CACNA1C: variants seen among roughly 807,000 people sequenced by gnomAD.
CACNA1C encodes the protein voltage-dependent L-type calcium channel subunit alpha-1C.
In CACNA1C, 30 loss-of-function variants were observed where a neutral mutation model predicts 229.0. That is an observed-to-expected ratio of 0.13 (90% confidence interval 0.10 to 0.18). CACNA1C has a LOEUF of 0.18. Ranked by LOEUF, CACNA1C falls within the 10% of genes least tolerant of loss-of-function variation. The pLI is 1.00. For missense variants in CACNA1C, 1,658 were observed against 2,845.0 expected (o/e 0.58, Z 9.49); for synonymous variants, 1,114 against 1,132.5 (o/e 0.98, Z 0.33).
chr12:2,356,843 A>C (rs972987419), intron 3 of CACNA1C, among the ~76,000 whole-genome samples: 4 of 152,068 alleles, frequency 2.6e-5, no homozygotes, highest in Admixed American at 2.6e-4. Context: ...TTCCCATTCC[A>C]CAGATGAGGC....
At chr12:2,420,377 G>A (rs950793197) in intron 3 of CACNA1C, among the ~76,000 whole-genome samples, 1 of 152,160 alleles carries the variant, frequency 6.6e-6, no homozygotes, top group Non-Finnish European at 1.5e-5. Flanking sequence ...GAGGGATGGT[G>A]TGGTTGACTG....
At chr12:2,191,942 A>C (rs2097242786) in intron 3 of CACNA1C, among the ~76,000 whole-genome samples, 1 of 152,042 alleles carries the variant, frequency 6.6e-6, no homozygotes. Context: ...ACACATGGAC[A>C]CTCATACACG....
intron 20 of CACNA1C, 195 bp downstream of exon 20, chr12:2,596,198 G>A (rs1601544393): frequency 4.1e-6 from 2 of 490,842 alleles, no homozygotes; most frequent in South Asian, 8.8e-5. Context: ...AAAAGAGCAT[G>A]TACCCAAATG....
intron 3 of CACNA1C, among the ~76,000 whole-genome samples, chr12:2,418,156 C>G (rs1567568478): frequency 6.6e-6 from 1 of 152,256 alleles, no homozygotes; most frequent in East Asian, 1.9e-4. Flanking sequence ...AGGCAGAACC[C>G]TAGCATTACG....
chr12:2,232,249 TTTTG>T (rs1269136527), intron 3 of CACNA1C, among the ~76,000 whole-genome samples: 333 of 132,714 alleles, frequency 2.5e-3, no homozygotes, highest in Middle Eastern at 7.9e-3. Flanking sequence ...TTTTTTTTTT[TTTTG>T]TTTGTTTGTT....
At chr12:2,475,068 G>A (rs916061548) in intron 5 of CACNA1C, among the ~76,000 whole-genome samples, 3 of 152,122 alleles carry the variant, frequency 2.0e-5, no homozygotes, top group Non-Finnish European at 4.4e-5. Flanking sequence ...GGTGGGCCGA[G>A]GCAGGCGGAT....
chr12:2,540,013 G>T (rs1473316413), intron 9 of CACNA1C, among the ~76,000 whole-genome samples: 1 of 152,162 alleles, frequency 6.6e-6, no homozygotes, highest in Non-Finnish European at 1.5e-5. Flanking sequence ...TGTGGAGAGG[G>T]CCATGGGGCA....
In CACNA1C at chr12:2,689,907, G is replaced by A. The variant is rs1569294898; in HGVS notation, c.6118-993G>A. The A allele has an allele frequency of 6.6e-6, 1 of 152,294 alleles. No individual in the cohort carries two copies. Among genetic ancestry groups the A allele is most frequent in the Non-Finnish European group, 1.5e-5 (1 of 68,130 alleles). The allele number at this position is 152,294 out of a possible 1,614,324, so 9.4% of individuals were successfully genotyped here. ...AGGAGTGCCAAAGAAAAACTAAGCA[G>A]GGCAAGGAGAGAATGAGTGGCGTGG... is the stretch of plus-strand genomic sequence containing the variant. On this transcript the variant is annotated intron_variant, in intron 46 of 46. Transcript: ENST00000399655. The surrounding 1 kb of genome is among the most constrained non-coding windows in gnomAD (Gnocchi z 4.2).
At chr12:2,558,137 C>T (rs2045496018) in intron 11 of CACNA1C, among the ~76,000 whole-genome samples, 1 of 152,186 alleles carries the variant, frequency 6.6e-6, no homozygotes, top group African/African-American at 2.4e-5. Context: ...TCTCAGATTG[C>T]CTCTCTCCCA....
intron 3 of CACNA1C, among the ~76,000 whole-genome samples, chr12:2,234,658 C>G (rs551406245): frequency 4.0e-5 from 6 of 151,672 alleles, no homozygotes; most frequent in African/African-American, 7.3e-5. Context: ...CAAAAATTTT[C>G]TGTGTGTGTG....
At chr12:2,031,683 C>T (rs4765881) in intron 1 of CACNA1C, among the ~76,000 whole-genome samples, 30,731 of 152,032 alleles carry the variant, frequency 0.2, 4,031 homozygotes, top group East Asian at 0.56. Flanking sequence ...TTTTAAAATT[C>T]TGATGCCCAG....
intron 9 of CACNA1C, among the ~76,000 whole-genome samples, chr12:2,544,632 T>A (rs1046573414): frequency 1.3e-5 from 2 of 152,256 alleles, no homozygotes; most frequent in African/African-American, 2.4e-5. Flanking sequence ...AATAAGATTT[T>A]TATTCCTATT....
At chr12:2,072,306 C>CCAGGGT (rs1174056838) in intron 1 of CACNA1C, among the ~76,000 whole-genome samples, 2 of 152,144 alleles carry the variant, frequency 1.3e-5, no homozygotes, top group African/African-American at 4.8e-5. Flanking sequence ...TCAAGCAGTT[C>CCAGGGT]TCCTGCCCCA....
intron 1 of CACNA1C, among the ~76,000 whole-genome samples, chr12:2,061,279 C>G (rs934034418): frequency 1.3e-5 from 2 of 152,170 alleles, no homozygotes; most frequent in African/African-American, 2.4e-5. Context: ...AGCAGAGCAC[C>G]AGAGTTTGGA....
intron 5 of CACNA1C, among the ~76,000 whole-genome samples, chr12:2,476,268 C>G (rs769945544): frequency 6.6e-6 from 1 of 152,222 alleles, no homozygotes; most frequent in Non-Finnish European, 1.5e-5. Context: ...CGCGGGCCAA[C>G]AAGTGGCACA....
chr12:2,153,548 T>C (rs1414599220), intron 3 of CACNA1C, among the ~76,000 whole-genome samples: 1 of 152,136 alleles, frequency 6.6e-6, no homozygotes, highest in Non-Finnish European at 1.5e-5. Context: ...GGGAACCTCA[T>C]ATAAGTGGAA....
intron 5 of CACNA1C, among the ~76,000 whole-genome samples, chr12:2,481,911 C>A (rs568655994): frequency 6.6e-6 from 1 of 152,382 alleles, no homozygotes; most frequent in South Asian, 2.1e-4. Flanking sequence ...ACATGAGCAG[C>A]CAGCCCTGAA....
At chr12:2,073,334 GC>G (rs2062034854) in intron 1 of CACNA1C, among the ~76,000 whole-genome samples, 1 of 152,200 alleles carries the variant, frequency 6.6e-6, no homozygotes, top group Admixed American at 6.5e-5. Flanking sequence ...ACCCTTCTGT[GC>G]CCTTCCATTG....
At chr12:2,669,672 G>A (rs1184001537) in intron 38 of CACNA1C, among the ~76,000 whole-genome samples, 2 of 152,232 alleles carry the variant, frequency 1.3e-5, no homozygotes, top group African/African-American at 2.4e-5. Context: ...GGGAAGACGT[G>A]TGGGAAAGGG....
Sources: allele counts gnomAD v4.1 joint callset (sites outside exome capture counted in the v4.1 genomes callset), GRCh38; gene constraint gnomAD v4.1.1; non-coding constraint Gnocchi (gnomAD v3.1); transcripts MANE v1.5; gene names NCBI Gene and HGNC (gene_info 2026-07-23, HGNC 2026-07-21).